SWI5: variants seen among roughly 807,000 people sequenced by gnomAD.
The protein encoded by SWI5 is DNA repair protein SWI5 homolog.
A neutral mutation model predicts 17.0 loss-of-function variants in SWI5; 12 were observed. That is an observed-to-expected ratio of 0.71 (90% confidence interval 0.45 to 1.14). The LOEUF (loss-of-function observed/expected upper bound fraction) is 1.14. Among genes scored for constraint, SWI5 ranks in the 50% most tolerant of loss-of-function variants. The pLI, the probability that SWI5 is intolerant of heterozygous loss-of-function variation, is 0.00. For synonymous variants in SWI5, 61 were observed against 64.0 expected, an observed-to-expected ratio of 0.95 and a Z score of 0.22; for missense variants, 158 against 162.2, an observed-to-expected ratio of 0.97 and a Z score of 0.14.
chr9:128,284,688 G>A (rs982113508), intron 3 of SWI5, 57 bp downstream of exon 3: 4 of 1,581,178 alleles, frequency 2.5e-6, no homozygotes, highest in African/African-American at 2.7e-5. Flanking sequence ...AGGCATAGTG[G>A]TTCACGCCTG....
upstream of SWI5, among the ~76,000 whole-genome samples, chr9:128,275,695 C>CG (rs772400717): frequency 1.9e-3 from 291 of 151,700 alleles, no homozygotes; most frequent in Non-Finnish European, 2.7e-3. Flanking sequence ...CAAAGTCACC[C>CG]GGGGGCGACT....
At chr9:128,275,881 G>T (rs373778000), upstream of SWI5, 5 of 1,488,912 alleles carry the variant, frequency 3.4e-6, no homozygotes, top group Non-Finnish European at 4.6e-6. Flanking sequence ...GCCGCGACCC[G>T]GTGCACTTTA....
upstream of SWI5, chr9:128,275,926 G>C: frequency 6.3e-7 from 1 of 1,592,944 alleles, no homozygotes; most frequent in Non-Finnish European, 8.5e-7. Context: ...TGCTCTGTCG[G>C]GTTTCTTCCG....
intron 4 of SWI5, among the ~76,000 whole-genome samples, chr9:128,288,450 C>G (rs1350298523): frequency 6.6e-6 from 1 of 152,156 alleles, no homozygotes; most frequent in Non-Finnish European, 1.5e-5. Flanking sequence ...CCAGCGTGGC[C>G]AGGTGGGGCC....
intron 2 of SWI5, among the ~76,000 whole-genome samples, chr9:128,280,510 TAAAA>T (rs776076324): frequency 6.9e-4 from 92 of 133,452 alleles, no homozygotes; most frequent in East Asian, 5.7e-3. Context: ...CTGTTCTTTT[TAAAA>T]AAAAAAAAAA....
intron 2 of SWI5, 63 bp from the exon 3 acceptor site, chr9:128,284,447 A>T: frequency 6.4e-7 from 1 of 1,571,502 alleles, no homozygotes; most frequent in Non-Finnish European, 8.6e-7. Context: ...CTACTGGGGG[A>T]CATGTAGGCT....
intron 1 of SWI5, 122 bp from the exon 2 acceptor site, chr9:128,276,585 A>G: frequency 1.2e-6 from 2 of 1,602,104 alleles, no homozygotes; most frequent in East Asian, 4.5e-5. Flanking sequence ...CCCCCTTTCC[A>G]GATGGATCCA....
intron 2 of SWI5, among the ~76,000 whole-genome samples, chr9:128,276,987 C>T (rs1466500429): frequency 6.6e-6 from 1 of 152,102 alleles, no homozygotes; most frequent in Non-Finnish European, 1.5e-5. Context: ...ACTCCTCTCC[C>T]TCCCCATCCT....
chr9:128,281,207 T>G (rs1410614697), intron 2 of SWI5, among the ~76,000 whole-genome samples: 2 of 151,840 alleles, frequency 1.3e-5, no homozygotes, highest in East Asian at 3.9e-4. Flanking sequence ...CTGGCTAATT[T>G]TTGTATTTTC....
chr9:128,275,651 G>T (rs1342101727), upstream of SWI5, among the ~76,000 whole-genome samples: 1 of 152,164 alleles, frequency 6.6e-6, no homozygotes, highest in Non-Finnish European at 1.5e-5. Flanking sequence ...GGTGAGGGCC[G>T]AGTCTGGAGC....
chr9:128,288,640 C>T lies in SWI5; in HGVS notation c.329-12C>T. The T allele has an allele frequency of 3.1e-6, 5 of 1,614,148 alleles. No homozygotes were observed. The highest frequency in any genetic ancestry group is 3.4e-6 in the Non-Finnish European group (4 of 1,180,014). On this transcript the variant is annotated splice_polypyrimidine_tract_variant and intron_variant, in intron 4 of 4. Coordinates refer to ENST00000418976, the Ensembl canonical transcript of SWI5. Reference sequence around the variant, plus strand: ...CCCCACTGCACATTCAGCCTGCCTTCCTTCCTTTCAGCTGTGATCCGAGGT... The same window carrying T: ...CCCCACTGCACATTCAGCCTGCCTTTCTTCCTTTCAGCTGTGATCCGAGGT...
intron 2 of SWI5, among the ~76,000 whole-genome samples, chr9:128,282,385 C>CA (rs991455867): frequency 1.9e-4 from 27 of 141,330 alleles, no homozygotes; most frequent in African/African-American, 3.1e-4. Flanking sequence ...AGAACTGTCT[C>CA]AAAAAAAAAA....
rs1831427202 is a variant in SWI5 at position 128,277,275 on chromosome 9, G to A, written c.111+520G>A. Among the ~76,000 whole-genome samples the A allele has an allele frequency of 2.0e-5, 3 of 152,158 alleles. No homozygotes were observed. In the East Asian group the frequency reaches 5.8e-4, roughly 29 times the overall value. On this transcript the variant is annotated intron_variant, in intron 2 of 4. Coordinates refer to ENST00000418976, the Ensembl canonical transcript of SWI5. ...CTCTTAAGGTAGATCGTGAGGGCCGGGTGCAGTGGCTCACACCTGTAATCC... is the reference window on the plus strand; with the variant it reads ...CTCTTAAGGTAGATCGTGAGGGCCGAGTGCAGTGGCTCACACCTGTAATCC...
rs1020613796 is a variant in SWI5 at position 128,276,880 on chromosome 9, C to T, written c.111+125C>T. On this transcript the variant is annotated intron_variant, in intron 2 of 4. Coordinates refer to ENST00000418976, the Ensembl canonical transcript of SWI5. ...GCCCTCTTCCATATCTTCTCCCAGTCGACTGAGAACCGCCAGGTCATTCCC... is the reference window on the plus strand; with the variant it reads ...GCCCTCTTCCATATCTTCTCCCAGTTGACTGAGAACCGCCAGGTCATTCCC... 17 of 997,552 alleles carry T rather than the reference C, an allele frequency of 1.7e-5. No individual in the cohort carries two copies. The African/African-American group carries it at 2.1e-4, about 12-fold the overall frequency. 61.8% of individuals were successfully genotyped at this position (997,552 alleles called of 1,614,324 possible).
chr9:128,280,321 C>T (rs971952414), intron 2 of SWI5, among the ~76,000 whole-genome samples: 2 of 151,964 alleles, frequency 1.3e-5, no homozygotes, highest in Admixed American at 6.6e-5. Context: ...CTTGGGACAC[C>T]CAGAGCTGCC....
upstream of SWI5, chr9:128,275,856 G>C: frequency 1.8e-6 from 2 of 1,117,672 alleles, no homozygotes; most frequent in South Asian, 2.7e-5. Flanking sequence ...AGTGGGGCTG[G>C]GGCTGGGTCG....
intron 2 of SWI5, chr9:128,278,781 T>C (rs1042877788): frequency 3.5e-5 from 15 of 428,414 alleles, no homozygotes; most frequent in African/African-American, 3.0e-4. Flanking sequence ...TTTTTTGTTT[T>C]TTTTTATTTG....
Position 128,288,710 on chromosome 9 carries a change from T to G in SWI5, c.387T>G (p.Asn129Lys). The stretch of plus-strand genomic sequence containing the variant: ...ATCCAGAGTTTGGGCTGGACATGAA[T>G]GACTGAGCAGGCTCATCGCCCCTTG... The change falls in exon 5 of 5, where the codon AAT becomes AAG. Residue 129 changes from asparagine to lysine, a missense_variant. Coordinates refer to ENST00000418976, the Ensembl canonical transcript of SWI5. 1 of 1,614,190 alleles carries G rather than the reference T, an allele frequency of 6.2e-7. No homozygotes were observed.
At chr9:128,287,678 C>T (rs1831668931) in intron 4 of SWI5, among the ~76,000 whole-genome samples, 1 of 150,302 alleles carries the variant, frequency 6.7e-6, no homozygotes, top group African/African-American at 2.4e-5. Context: ...TCTAGTGCCT[C>T]AGCCTCCTGA....
Sources: allele counts gnomAD v4.1 joint callset (sites outside exome capture counted in the v4.1 genomes callset), GRCh38; gene constraint gnomAD v4.1.1; transcripts MANE v1.5; gene names NCBI Gene and HGNC (gene_info 2026-07-23, HGNC 2026-07-21).